Variants in TFRC observed in about 807,000 individuals in gnomAD.
TFRC encodes transferrin receptor protein 1.
TFRC carries 35 observed loss-of-function variants against 85.8 expected under a neutral mutation model. The ratio of observed to expected loss-of-function variants is 0.41; its 90% CI spans 0.31 to 0.54. TFRC has a LOEUF of 0.54. Among genes scored for constraint, TFRC ranks in the 20% least tolerant of loss-of-function variants. TFRC has a pLI of 0.31. For missense variants in TFRC, 828 were observed against 921.5 expected, an observed-to-expected ratio of 0.90 and a Z score of 1.31; for synonymous variants, 362 against 328.6, an observed-to-expected ratio of 1.10 and a Z score of -1.10.
intron 11 of TFRC, chr3:196,063,182 C>A: frequency 2.5e-6 from 1 of 399,812 alleles, no homozygotes; most frequent in Non-Finnish European, 4.6e-6. Flanking sequence ...GATAGGAGAT[C>A]TGCAAATAAG....
chr3:196,060,595 G>A (rs558851445), intron 13 of TFRC: 9 of 191,830 alleles, frequency 4.7e-5, no homozygotes, highest in East Asian at 4.5e-4. Flanking sequence ...TCAGGAGATC[G>A]AGACCATCTT....
intron 11 of TFRC, 183 bp from the exon 12 acceptor site, chr3:196,063,122 A>G: frequency 1.9e-6 from 1 of 539,758 alleles, no homozygotes; most frequent in Non-Finnish European, 3.3e-6. Flanking sequence ...CCCAGGTAAA[A>G]GAATAAAAGA....
chr3:196,076,344 T>C (rs1383812915), intron 2 of TFRC, among the ~76,000 whole-genome samples: 1 of 152,072 alleles, frequency 6.6e-6, no homozygotes, highest in Admixed American at 6.6e-5. Context: ...GGGCTTGCTA[T>C]GTTGCCCAGG....
chr3:196,058,635 GTAAGA>G lies in TFRC; in HGVS notation c.1537-8_1537-4del. On this transcript the variant is annotated splice_polypyrimidine_tract_variant and splice_region_variant and intron_variant, in intron 14 of 18. Transcript: ENST00000360110. ...TGCCCAGTAACCGGATGCTTCACCT[GTAAGA>G]TAAGAAATTATCATTAAAACTAACC... The G allele has an allele frequency of 6.2e-7, 1 of 1,607,170 alleles. No individual in the cohort carries two copies. Among genetic ancestry groups the G allele is most frequent in the Non-Finnish European group, 8.5e-7 (1 of 1,176,660 alleles).
rs1411894861 is a variant in TFRC, at chr3:196,075,153, T to G, written c.238+6A>C. ...AAACATTGAAGTTTGGAATGGTCAT[T>G]CTCACCAATCAAGAAAAAGACGATC... On this transcript the variant is annotated splice_donor_region_variant and intron_variant, in intron 3 of 18. Coordinates refer to ENST00000360110, the MANE Select transcript of TFRC (RefSeq NM_001128148.3). 4 of 1,613,544 alleles carry G rather than the reference T, an allele frequency of 2.5e-6. No homozygotes were observed. Among genetic ancestry groups the G allele is most frequent in the Non-Finnish European group, 3.4e-6 (4 of 1,179,618 alleles).
chr3:196,074,241 T>A, intron 3 of TFRC, 116 bp from the exon 4 acceptor site: 1 of 1,000,846 alleles, frequency 1.0e-6, no homozygotes, highest in Non-Finnish European at 1.5e-6. Flanking sequence ...AAATTCTAAG[T>A]AGTTTTAAAG....
intron 4 of TFRC, 46 bp from the exon 5 acceptor site, chr3:196,072,198 A>G (rs1469956971): frequency 6.3e-7 from 1 of 1,598,832 alleles, no homozygotes; most frequent in African/African-American, 1.4e-5. Flanking sequence ...TTACTTTAAA[A>G]TAAACATTTA....
chr3:196,066,707 T>C (rs1452524565), intron 9 of TFRC, among the ~76,000 whole-genome samples: 1 of 152,210 alleles, frequency 6.6e-6, no homozygotes, highest in East Asian at 1.9e-4. Flanking sequence ...CACACTCCCC[T>C]ATGCTAAAGG....
In TFRC at chr3:196,051,139, A is replaced by T. The variant is rs1177415201; in HGVS notation, c.*803T>A. 3.7e-5 allele frequency: 8 copies of T among 216,180 alleles called. No individual in the cohort carries two copies. In the East Asian group the frequency reaches 5.5e-4, roughly 15 times the overall value. The allele number at this position is 216,180 out of a possible 1,614,324, so 13.4% of individuals were successfully genotyped here. ...TTTGGCCAAAATTTGGCAGCATATT[A>T]TTCTTTAAAGTCTGACAAACTGAGT... On this transcript the variant is annotated 3_prime_UTR_variant, in exon 19 of 19. Coordinates refer to ENST00000360110, the MANE Select transcript of TFRC (RefSeq NM_001128148.3).
chr3:196,052,380 C>T (rs1356462940), intron 18 of TFRC, among the ~76,000 whole-genome samples, 196 bp from the exon 19 acceptor site: 1 of 149,302 alleles, frequency 6.7e-6, no homozygotes, highest in African/African-American at 2.5e-5. Flanking sequence ...CTCACTGGTA[C>T]CCTCCACCTC....
intron 5 of TFRC, 26 bp downstream of exon 5, chr3:196,071,971 TATAAAA>T (rs764133658): frequency 7.5e-5 from 119 of 1,595,574 alleles, no homozygotes; most frequent in Non-Finnish European, 1.0e-4. Flanking sequence ...TAGCTACTTG[TATAAAA>T]ATAAGTTTAC....
Position 196,049,428 on chromosome 3 carries a change from G to A in TFRC, c.*2514C>T, listed in dbSNP as rs1240476127. 1 of 212,450 alleles carries A rather than the reference G, an allele frequency of 4.7e-6. No individual in the cohort carries two copies. The highest frequency in any genetic ancestry group is 2.3e-5 in the African/African-American group (1 of 44,178). 13.2% of individuals were successfully genotyped at this position (212,450 alleles called of 1,614,324 possible). On this transcript the variant is annotated 3_prime_UTR_variant, in exon 19 of 19. Transcript: ENST00000360110. ...ACATTCAAAGAGCTAACACAGTAAAGGTCATGCAAGTTCTAGAATAGTGAA... is the reference window on the plus strand; with the variant it reads ...ACATTCAAAGAGCTAACACAGTAAAAGTCATGCAAGTTCTAGAATAGTGAA...
In TFRC at chr3:196,073,036, C is replaced by CA. The variant is rs56723183; in HGVS notation, c.435-885dup. On this transcript the variant is annotated intron_variant, in intron 4 of 18. Transcript: ENST00000360110. ...CCAACATGGTGAAATCCCGTTTCTG[C>CA]AAAAAAAAAAAAAAAAAAAAAAAAC... Among the ~76,000 whole-genome samples the CA allele has an allele frequency of 3.7e-3, 264 of 72,072 alleles. 1 individual carries two copies. The highest frequency in any genetic ancestry group is 0.011 in the African/African-American group (225 of 20,238). The allele number at this position is 72,072 out of a possible 152,430, so 47.3% of individuals were successfully genotyped here.
At position 196,049,646 on chromosome 3, in the gene TFRC, C is replaced by T. The variant is rs1232048110; in HGVS notation, c.*2296G>A. 1.8e-5 allele frequency: 4 copies of T among 227,680 alleles called. No homozygotes were observed. Among genetic ancestry groups the T allele is most frequent in the Non-Finnish European group, 3.5e-5 (4 of 114,692 alleles). The allele number at this position is 227,680 out of a possible 1,614,324, so 14.1% of individuals were successfully genotyped here. Reference sequence around the variant, plus strand: ...GAAAAGGGTTTTCTGAAGAGACTCACTGCTGCAAAATGCATGCCCTGTATT... The same window carrying T: ...GAAAAGGGTTTTCTGAAGAGACTCATTGCTGCAAAATGCATGCCCTGTATT... On this transcript the variant is annotated 3_prime_UTR_variant, in exon 19 of 19. Transcript: ENST00000360110.
chr3:196,059,434 C>T (rs1717087586), intron 14 of TFRC, among the ~76,000 whole-genome samples: 1 of 152,150 alleles, frequency 6.6e-6, no homozygotes, highest in African/African-American at 2.4e-5. Flanking sequence ...CCTTCTAGTG[C>T]ATCTTATGCC....
chr3:196,079,356 C>G (rs552166317), intron 1 of TFRC, among the ~76,000 whole-genome samples: 5 of 152,304 alleles, frequency 3.3e-5, no homozygotes, highest in African/African-American at 1.2e-4. Context: ...CGCCTGTAAT[C>G]CCAGCAACAC....
chr3:196,076,926 G>A (rs1326349930), intron 2 of TFRC, 138 bp downstream of exon 2: 2 of 745,568 alleles, frequency 2.7e-6, no homozygotes, highest in South Asian at 3.6e-5. Context: ...GATCAGTTAT[G>A]CCTCAAGACT....
chr3:196,081,634 C>A (rs775883265), intron 1 of TFRC, among the ~76,000 whole-genome samples: 3 of 152,232 alleles, frequency 2.0e-5, no homozygotes, highest in Non-Finnish European at 4.4e-5. Flanking sequence ...AGCCGGCGCA[C>A]TAGGGCCTGC....
chr3:196,077,161 C>G, intron 1 of TFRC, 39 bp from the exon 2 acceptor site: 9 of 1,453,328 alleles, frequency 6.2e-6, no homozygotes, highest in Non-Finnish European at 7.7e-6. Context: ...AAAGATACTA[C>G]TGTATCAGAT....
Sources: gnomAD v4.1 joint callset for allele counts (sites outside exome capture counted in the v4.1 genomes callset) on GRCh38, gnomAD v4.1.1 for gene constraint, MANE v1.5 for transcripts, NCBI Gene and HGNC (gene_info 2026-07-23, HGNC 2026-07-21) for gene names.